Variants in FOXJ3 observed in about 807,000 individuals in gnomAD.
FOXJ3 encodes forkhead box J3.
Under a neutral mutation model 76.1 loss-of-function variants are expected in FOXJ3, and 22 were observed. The ratio of observed to expected loss-of-function variants is 0.29; its 90% CI spans 0.21 to 0.41. The LOEUF (loss-of-function observed/expected upper bound fraction) is 0.41, where lower values mean the gene tolerates loss of function less well. FOXJ3 is among the 10% of genes least tolerant of loss of function. The probability of loss-of-function intolerance (pLI) is 1.00; values close to 1 mark genes in which losing one functional copy is unlikely to be tolerated. For missense variants in FOXJ3, 613 were observed against 762.1 expected, an observed-to-expected ratio of 0.80 and a Z score of 2.30; for synonymous variants, 269 against 261.2, an observed-to-expected ratio of 1.03 and a Z score of -0.29.
At chr1:42,199,627 A>C (rs1159045075) in intron 6 of FOXJ3, among the ~76,000 whole-genome samples, 1 of 152,076 alleles carries the variant, frequency 6.6e-6, no homozygotes, top group Non-Finnish European at 1.5e-5. Flanking sequence ...AGCACATAAA[A>C]AAAAAAAGAT....
At chr1:42,283,387 G>A (rs557118242) in intron 2 of FOXJ3, among the ~76,000 whole-genome samples, 18 of 152,188 alleles carry the variant, frequency 1.2e-4, no homozygotes, top group African/African-American at 4.1e-4. Context: ...ATGAAACAGG[G>A]ACACTCATAT....
intron 1 of FOXJ3, among the ~76,000 whole-genome samples, chr1:42,330,424 G>A (rs1656088633): frequency 6.6e-6 from 1 of 152,168 alleles, no homozygotes; most frequent in African/African-American, 2.4e-5. Context: ...GATCACTTGA[G>A]CCCGGGAGTT....
intron 3 of FOXJ3, among the ~76,000 whole-genome samples, chr1:42,271,388 C>A (rs1389205268): frequency 6.6e-6 from 1 of 151,894 alleles, no homozygotes; most frequent in Non-Finnish European, 1.5e-5. Flanking sequence ...AATCTTATTT[C>A]CTTCTACATC....
intron 2 of FOXJ3, among the ~76,000 whole-genome samples, chr1:42,299,583 G>C (rs576772099): frequency 6.6e-6 from 1 of 150,526 alleles, no homozygotes; most frequent in African/African-American, 2.5e-5. Context: ...TGTTTTAAGC[G>C]GAGCATTTAG....
At chr1:42,242,955 C>CTATTA (rs1649267237) in intron 4 of FOXJ3, among the ~76,000 whole-genome samples, 1 of 151,668 alleles carries the variant, frequency 6.6e-6, no homozygotes, top group African/African-American at 2.4e-5. Flanking sequence ...AAAAACTAGT[C>CTATTA]TATTATAAGA....
At chr1:42,274,210 C>G (rs770855162) in intron 3 of FOXJ3, among the ~76,000 whole-genome samples, 9 of 152,112 alleles carry the variant, frequency 5.9e-5, no homozygotes, top group Non-Finnish European at 1.3e-4. Context: ...AGGGGTAAAG[C>G]CAGAAAGCAC....
chr1:42,292,917 A>G (rs1456442314), intron 2 of FOXJ3, among the ~76,000 whole-genome samples: 1 of 152,174 alleles, frequency 6.6e-6, no homozygotes, highest in Non-Finnish European at 1.5e-5. Flanking sequence ...CCTGGGCAAC[A>G]TGGTGAAATC....
chr1:42,275,016 A>G (rs1652155033), intron 3 of FOXJ3, among the ~76,000 whole-genome samples: 1 of 152,208 alleles, frequency 6.6e-6, no homozygotes, highest in Non-Finnish European at 1.5e-5. Context: ...GGAAGGTACA[A>G]AAAATAAAGC....
intron 5 of FOXJ3, among the ~76,000 whole-genome samples, chr1:42,211,163 C>T (rs945992466): frequency 1.3e-5 from 2 of 152,128 alleles, no homozygotes. Flanking sequence ...TCTCCTCTTG[C>T]CCATCATTGT....
intron 1 of FOXJ3, among the ~76,000 whole-genome samples, chr1:42,316,620 T>A (rs1655126500): frequency 6.6e-6 from 1 of 152,168 alleles, no homozygotes; most frequent in African/African-American, 2.4e-5. Context: ...TGACCTTGGA[T>A]ATGTTAACTT....
chr1:42,302,685 C>T (rs893148105), intron 2 of FOXJ3, among the ~76,000 whole-genome samples: 1 of 152,198 alleles, frequency 6.6e-6, no homozygotes, highest in Non-Finnish European at 1.5e-5. Context: ...CACTAAGTGC[C>T]ACTGAACCAT....
At chr1:42,214,421 G>GA (rs1434796484) in intron 5 of FOXJ3, among the ~76,000 whole-genome samples, 1 of 152,174 alleles carries the variant, frequency 6.6e-6, no homozygotes, top group Non-Finnish European at 1.5e-5. Flanking sequence ...TCTGGACAAA[G>GA]AAAGTATCGA....
chr1:42,226,264 G>A (rs909062323), intron 5 of FOXJ3, among the ~76,000 whole-genome samples: 2 of 151,746 alleles, frequency 1.3e-5, no homozygotes, highest in African/African-American at 4.8e-5. Flanking sequence ...AGAAACTGAT[G>A]TTCGTTCCTT....
At chr1:42,307,726 A>C (rs1364903304) in intron 2 of FOXJ3, among the ~76,000 whole-genome samples, 1 of 152,182 alleles carries the variant, frequency 6.6e-6, no homozygotes, top group African/African-American at 2.4e-5. Context: ...CTTAACTATC[A>C]CTACAAACTA....
chr1:42,278,022 G>A (rs937137839), intron 3 of FOXJ3, among the ~76,000 whole-genome samples: 3 of 150,158 alleles, frequency 2.0e-5, no homozygotes, highest in Non-Finnish European at 3.0e-5. Context: ...AAGACAGTTA[G>A]TACTAGTTGC....
At chr1:42,226,495 G>C (rs1005952479) in intron 5 of FOXJ3, among the ~76,000 whole-genome samples, 2 of 152,116 alleles carry the variant, frequency 1.3e-5, no homozygotes, top group African/African-American at 4.8e-5. Flanking sequence ...TGTAATCCCA[G>C]CTACTTGGGA....
At chr1:42,296,229 T>C (rs1032222587) in intron 2 of FOXJ3, among the ~76,000 whole-genome samples, 9 of 152,060 alleles carry the variant, frequency 5.9e-5, no homozygotes, top group African/African-American at 2.2e-4. Flanking sequence ...GATTCTGATG[T>C]TCATCCTTTC....
At chr1:42,319,618 A>G (rs1390420801) in intron 1 of FOXJ3, among the ~76,000 whole-genome samples, 1 of 152,206 alleles carries the variant, frequency 6.6e-6, no homozygotes, top group Non-Finnish European at 1.5e-5. Flanking sequence ...TGAATATACT[A>G]AAAAACACTG....
chr1:42,295,137 G>A (rs1392168064), intron 2 of FOXJ3, among the ~76,000 whole-genome samples: 1 of 152,090 alleles, frequency 6.6e-6, no homozygotes, highest in Non-Finnish European at 1.5e-5. Flanking sequence ...GGTGGAGACT[G>A]GGCTTCTAGT....
Sources: allele counts gnomAD v4.1 joint callset (sites outside exome capture counted in the v4.1 genomes callset), GRCh38; gene constraint gnomAD v4.1.1; transcripts MANE v1.5; gene names NCBI Gene and HGNC (gene_info 2026-07-23, HGNC 2026-07-21).